TLN2: variants seen among roughly 807,000 people sequenced by gnomAD.
TLN2 encodes talin-2.
TLN2 carries 118 observed loss-of-function variants against 294.7 expected under a neutral mutation model. The ratio of observed to expected loss-of-function variants is 0.40; its 90% CI spans 0.34 to 0.47. The LOEUF is 0.47. Among genes scored for constraint, TLN2 ranks in the 20% least tolerant of loss-of-function variants. TLN2 has a pLI of 0.84. For synonymous variants in TLN2, 1,431 were observed against 1,304.5 expected (o/e 1.10, Z -2.09); for missense variants, 3,083 against 3,282.2 (o/e 0.94, Z 1.48).
At chr15:62,428,712 A>G (rs183968156) in intron 1 of TLN2, among the ~76,000 whole-genome samples, 74 of 152,314 alleles carry the variant, frequency 4.9e-4, no homozygotes, top group Admixed American at 1.2e-3. Context: ...CTCTAAAGAG[A>G]TGGCATGTGA....
intron 4 of TLN2, among the ~76,000 whole-genome samples, chr15:62,649,211 C>G (rs998523330): frequency 8.6e-5 from 13 of 151,900 alleles, no homozygotes; most frequent in Non-Finnish European, 4.4e-5. Flanking sequence ...TGCTACATCC[C>G]TAACTTTACT....
At chr15:62,754,065 T>C in intron 36 of TLN2, 149 bp downstream of exon 36, 1 of 1,114,616 alleles carries the variant, frequency 9.0e-7, no homozygotes. Flanking sequence ...ATGACTCAGG[T>C]GGGAGCAAAT....
At chr15:62,708,827 G>A (rs1296242230) in intron 21 of TLN2, 31 bp downstream of exon 21, 2 of 1,574,056 alleles carry the variant, frequency 1.3e-6, no homozygotes, top group Non-Finnish European at 1.7e-6. Flanking sequence ...TGGGTGGATG[G>A]GTGGCTTTTG....
intron 1 of TLN2, among the ~76,000 whole-genome samples, chr15:62,468,126 T>C (rs1160593872): frequency 6.6e-6 from 1 of 150,616 alleles, no homozygotes; most frequent in East Asian, 1.9e-4. Context: ...ATTTATTAAA[T>C]AAATTTTTAA....
At chr15:62,770,904 C>G in intron 41 of TLN2, 60 bp from the exon 42 acceptor site, 2 of 1,552,538 alleles carry the variant, frequency 1.3e-6, no homozygotes, top group South Asian at 1.2e-5. Context: ...TGTGGAGCCC[C>G]TGAAGGAGAC....
In TLN2 at chr15:62,699,320, G is replaced by A. The variant is rs112774608; in HGVS notation, c.1587+453G>A. Among the ~76,000 whole-genome samples, 662 of 152,138 alleles carry A rather than the reference G, an allele frequency of 4.4e-3. 9 individuals carry two copies. The highest frequency in any genetic ancestry group is 0.014 in the African/African-American group (571 of 41,500). On this transcript the variant is annotated intron_variant, in intron 16 of 58. Transcript: ENST00000636159. Reference sequence around the variant, plus strand: ...TTTTATTGCTACCCGTGGTTCTCAAGCTGTAGCATCCATCAGCATCATCCG... The same window carrying A: ...TTTTATTGCTACCCGTGGTTCTCAAACTGTAGCATCCATCAGCATCATCCG...
chr15:62,762,845 T>C (rs1374042408), intron 39 of TLN2, among the ~76,000 whole-genome samples: 1 of 152,198 alleles, frequency 6.6e-6, no homozygotes, highest in East Asian at 1.9e-4. Context: ...TTGAGCACCG[T>C]TGTTTATTTA....
rs189954547 is a variant in TLN2 at position 62,610,648 on chromosome 15, A to G, written c.-161-7703A>G. On this transcript the variant is annotated intron_variant, in intron 2 of 58. Transcript: ENST00000636159. ...ACTGTGAAACGGAGACGTTTAGGAG[A>G]CTGAAACAAGAAAGCAGAGAGTTGC... is the stretch of plus-strand genomic sequence containing the variant. Among the ~76,000 whole-genome samples, 18 of 152,294 alleles carry G rather than the reference A, an allele frequency of 1.2e-4. No homozygotes were observed. In the East Asian group the frequency reaches 2.1e-3, roughly 18 times the overall value.
At chr15:62,698,015 T>C (rs1326794045) in intron 15 of TLN2, 147 bp downstream of exon 15, 2 of 1,071,148 alleles carry the variant, frequency 1.9e-6, no homozygotes, top group Non-Finnish European at 2.6e-6. Context: ...ATTTTTTAAA[T>C]TGGATGACTC....
rs56279063 is a variant in TLN2, at chr15:62,574,579, C to CAAA, written c.-237-15070_-237-15068dup. 4.6e-3 allele frequency among the ~76,000 whole-genome samples: 216 copies of CAAA among 46,488 alleles called. 46 individuals carry two copies. Among genetic ancestry groups the CAAA allele is most frequent in the Non-Finnish European group, 6.4e-3 (169 of 26,332 alleles). The allele number at this position is 46,488 out of a possible 152,430, so 30.5% of individuals were successfully genotyped here. A position where few individuals can be genotyped will look rare whatever the true frequency, so the allele number is the denominator to read the frequency against. ...TGGGCAACAGGATGAGACCCTGTCT[C>CAAA]AAAAAAAAAAAAAAAAAAAAAAAAA... On this transcript the variant is annotated intron_variant, in intron 1 of 58. Coordinates refer to ENST00000636159, the MANE Select transcript of TLN2 (RefSeq NM_015059.3).
intron 28 of TLN2, 96 bp from the exon 29 acceptor site, chr15:62,736,782 C>A: frequency 1.5e-6 from 2 of 1,342,066 alleles, no homozygotes; most frequent in Non-Finnish European, 2.1e-6. Flanking sequence ...TGCAGCTCCC[C>A]TTCTGTGCCA....
chr15:62,827,444 A>G (rs1458898159), intron 54 of TLN2, among the ~76,000 whole-genome samples: 2 of 152,202 alleles, frequency 1.3e-5, no homozygotes, highest in African/African-American at 4.8e-5. Flanking sequence ...AGGACCAGGA[A>G]GGTTGAGTTG....
At chr15:62,815,954 G>T (rs1330643990) in intron 52 of TLN2, among the ~76,000 whole-genome samples, 2 of 152,142 alleles carry the variant, frequency 1.3e-5, no homozygotes, top group East Asian at 3.8e-4. Context: ...TGGGTCATGG[G>T]CCCCTTTGAG....
At chr15:62,554,554 C>A (rs941462025) in intron 1 of TLN2, among the ~76,000 whole-genome samples, 1 of 151,722 alleles carries the variant, frequency 6.6e-6, no homozygotes, top group African/African-American at 2.4e-5. Context: ...TAAATCCTTT[C>A]TAGGATGATG....
In TLN2 at chr15:62,833,558, A is replaced by G. The variant is rs753674852; in HGVS notation, c.7057A>G (p.Ile2353Val). The G allele has an allele frequency of 3.7e-6, 6 of 1,614,044 alleles. No homozygotes were observed. In the Admixed American group the frequency reaches 5.0e-5, roughly 13 times the overall value. The change falls in exon 55 of 59, where the codon ATT (isoleucine) becomes GTT (valine). Residue 2353 changes from isoleucine to valine, a missense_variant. Ile to Val is a conservative substitution (Grantham distance 29). Coordinates refer to ENST00000636159, the MANE Select transcript of TLN2 (RefSeq NM_015059.3). ...EEQILEAAKS[I>V]AAATSALVKS... ...ACAGATCTTGGAAGCTGCTAAATCC[A>G]TTGCTGCTGCCACAAGCGCCCTGGT... is the stretch of plus-strand genomic sequence containing the variant.
chr15:62,461,097 C>T (rs144293017), intron 1 of TLN2, among the ~76,000 whole-genome samples: 3,201 of 152,228 alleles, frequency 0.021, 41 homozygotes, highest in Non-Finnish European at 0.03. Context: ...TACAGGCACA[C>T]GCTACCATGC....
At chr15:62,516,329 A>G (rs2040189933) in intron 1 of TLN2, among the ~76,000 whole-genome samples, 1 of 152,194 alleles carries the variant, frequency 6.6e-6, no homozygotes, top group Admixed American at 6.5e-5. Flanking sequence ...TTTGCAAATG[A>G]CATACAGCAT....
At chr15:62,604,265 C>T (rs1184348687) in intron 2 of TLN2, among the ~76,000 whole-genome samples, 1 of 152,028 alleles carries the variant, frequency 6.6e-6, no homozygotes, top group Non-Finnish European at 1.5e-5. Context: ...AACTGTAATT[C>T]AGCACTGTGG....
At chr15:62,657,408 T>TG (rs2053351704) in intron 8 of TLN2, among the ~76,000 whole-genome samples, 3 of 152,192 alleles carry the variant, frequency 2.0e-5, no homozygotes, top group Non-Finnish European at 4.4e-5. Flanking sequence ...GATTTAGGAT[T>TG]GTAAAAAGTA....
Sources: allele counts gnomAD v4.1 joint callset (sites outside exome capture counted in the v4.1 genomes callset), GRCh38; gene constraint gnomAD v4.1.1; transcripts MANE v1.5; gene names NCBI Gene and HGNC (gene_info 2026-07-23, HGNC 2026-07-21).